Variants in RNF6 observed in about 807,000 individuals in gnomAD.
RNF6 encodes the protein ring finger protein 6.
Under a neutral mutation model 50.1 loss-of-function variants are expected in RNF6, and 21 were observed. The ratio of observed to expected loss-of-function variants is 0.42; its 90% CI spans 0.30 to 0.60. The LOEUF is 0.60. RNF6 is among the 20% of genes least tolerant of loss of function. The pLI is 0.20. For synonymous variants in RNF6, 255 were observed against 291.8 expected, an observed-to-expected ratio of 0.87 and a Z score of 1.29; for missense variants, 698 against 838.2, an observed-to-expected ratio of 0.83 and a Z score of 2.07.
At chr13:26,162,116 G>A (rs1403745162) in intron 5 of RNF6, among the ~76,000 whole-genome samples, 2 of 152,098 alleles carry the variant, frequency 1.3e-5, no homozygotes, top group African/African-American at 2.4e-5. Flanking sequence ...TCTTAGAGAC[G>A]GCAAAGGACT....
At chr13:26,203,652 T>C (rs1247913890) in intron 5 of RNF6, among the ~76,000 whole-genome samples, 1 of 152,216 alleles carries the variant, frequency 6.6e-6, no homozygotes, top group Non-Finnish European at 1.5e-5. Flanking sequence ...TCTATGATCC[T>C]GGAGAGCTCT....
chr13:26,220,010 C>G (rs904716323), intron 2 of RNF6, among the ~76,000 whole-genome samples: 1 of 152,182 alleles, frequency 6.6e-6, no homozygotes, highest in African/African-American at 2.4e-5. Flanking sequence ...GTTTCAGGAT[C>G]TGGGTACTTC....
chr13:26,157,920 A>T (rs940520782), intron 5 of RNF6, among the ~76,000 whole-genome samples: 1 of 149,616 alleles, frequency 6.7e-6, no homozygotes, highest in Non-Finnish European at 1.5e-5. Context: ...GGATGGATGG[A>T]TGGATAGATG....
chr13:26,185,158 G>A (rs1873457856), intron 5 of RNF6, among the ~76,000 whole-genome samples: 1 of 151,850 alleles, frequency 6.6e-6, no homozygotes, highest in Non-Finnish European at 1.5e-5. Flanking sequence ...CACCATGCCC[G>A]GCTAATTTTT....
intron 5 of RNF6, among the ~76,000 whole-genome samples, chr13:26,163,347 T>C (rs867721949): frequency 1.3e-5 from 2 of 152,118 alleles, no homozygotes; most frequent in Admixed American, 6.6e-5. Context: ...GCCAGTTTTG[T>C]TTCGTCCATA....
intron 5 of RNF6, among the ~76,000 whole-genome samples, chr13:26,174,448 C>T (rs1156811200): frequency 1.3e-5 from 2 of 151,276 alleles, no homozygotes; most frequent in Admixed American, 6.6e-5. Context: ...GTCAGGAGTT[C>T]GAGACCAGCC....
Position 26,140,089 on chromosome 13 carries a change from T to C in RNF6, n.769-7638A>G, listed in dbSNP as rs1027648142. ...AACTTGCTAATCTCTTTGTTAATAC[T>C]TTCCAATTACTTATGAATATTTTGG... On this transcript the variant is annotated intron_variant and non_coding_transcript_variant, in intron 5 of 5. Coordinates refer to the RNF6 transcript ENST00000468480. 3.3e-5 allele frequency among the ~76,000 whole-genome samples: 5 copies of C among 152,356 alleles called. No homozygotes were observed. In the East Asian group the frequency reaches 9.6e-4, roughly 29 times the overall value.
intron 5 of RNF6, among the ~76,000 whole-genome samples, chr13:26,199,775 AT>A (rs1294371574): frequency 3.9e-5 from 6 of 152,202 alleles, no homozygotes; most frequent in Non-Finnish European, 8.8e-5. Context: ...ATGAAGATAC[AT>A]TAAAAAATAA....
At chr13:26,203,593 G>T (rs1193786808) in intron 5 of RNF6, among the ~76,000 whole-genome samples, 1 of 152,204 alleles carries the variant, frequency 6.6e-6, no homozygotes, top group Non-Finnish European at 1.5e-5. Context: ...CAGTGACTAC[G>T]CATAAAGGCA....
chr13:26,165,533 C>G (rs1328646638), intron 5 of RNF6, among the ~76,000 whole-genome samples: 4 of 152,200 alleles, frequency 2.6e-5, no homozygotes, highest in African/African-American at 9.7e-5. Context: ...GCCACAGACA[C>G]TCAATGCCAA....
At chr13:26,145,054 A>G (rs958430443) in intron 5 of RNF6, among the ~76,000 whole-genome samples, 1 of 152,146 alleles carries the variant, frequency 6.6e-6, no homozygotes, top group Non-Finnish European at 1.5e-5. Context: ...CTGAAGTAGA[A>G]CAGTGAAACT....
chr13:26,160,823 CCTT>C (rs1283989435), intron 5 of RNF6, among the ~76,000 whole-genome samples: 8 of 152,238 alleles, frequency 5.3e-5, no homozygotes, highest in African/African-American at 1.4e-4. Flanking sequence ...AAAATGGCCT[CCTT>C]CTTGCTTTGT....
rs1566440001 is a variant in RNF6 at position 26,214,872 on chromosome 13, G to T, written c.1010C>A (p.Thr337Asn). The T allele has an allele frequency of 2.5e-6, 4 of 1,614,202 alleles. No homozygotes were observed. The highest frequency in any genetic ancestry group is 3.4e-6 in the Non-Finnish European group (4 of 1,180,036). Residue 337 changes from threonine (T) to asparagine (N), a missense_variant, in exon 5 of 5, where the codon ACT becomes AAT. Coordinates refer to ENST00000381588, the MANE Select transcript of RNF6 (RefSeq NM_005977.4). ...ACCTCTCCTCCTAACAGATCTTCTAGTGGTTTGCTGTACTGGTCTACTTTC... is the reference window on the plus strand; with the variant it reads ...ACCTCTCCTCCTAACAGATCTTCTATTGGTTTGCTGTACTGGTCTACTTTC... Reference protein sequence around the residue: ...QRESRPVQQTTRRSVRRRGRT... With the variant: ...QRESRPVQQTNRRSVRRRGRT...
chr13:26,166,603 T>A (rs112299048), intron 5 of RNF6, among the ~76,000 whole-genome samples: 1,608 of 152,220 alleles, frequency 0.011, 27 homozygotes, highest in African/African-American at 0.037. Context: ...TCTCATTCAC[T>A]CTTGCCACAA....
At chr13:26,211,534 G>A (rs1028722752), downstream of RNF6, among the ~76,000 whole-genome samples, 10 of 152,088 alleles carry the variant, frequency 6.6e-5, no homozygotes, top group African/African-American at 9.7e-5. Flanking sequence ...CAAGGTGGGC[G>A]GATCATGAGG....
Position 26,214,455 on chromosome 13 carries a change from G to A in RNF6, c.1427C>T (p.Ser476Leu). 3.1e-6 allele frequency: 5 copies of A among 1,614,178 alleles called. No individual in the cohort carries two copies. The highest frequency in any genetic ancestry group is 4.2e-6 in the Non-Finnish European group (5 of 1,180,040). Residue 476 changes from serine (S) to leucine (L), a missense_variant, in exon 5 of 5, where the codon TCA becomes TTA. Ser to Leu is a moderately radical substitution (Grantham distance 145, BLOSUM62 -2). Transcript: ENST00000381588. Reference protein sequence around the residue: ...RISENELVEPSSVALRSILRQ... With the variant: ...RISENELVEPLSVALRSILRQ... Reference sequence around the variant, plus strand: ...TAAAATTGACCGAAGAGCCACTGATGATGGCTCAACAAGCTCATTCTCAGA... The same window carrying A: ...TAAAATTGACCGAAGAGCCACTGATAATGGCTCAACAAGCTCATTCTCAGA...
At chr13:26,186,628 G>A (rs972523245) in intron 5 of RNF6, among the ~76,000 whole-genome samples, 1 of 152,262 alleles carries the variant, frequency 6.6e-6, no homozygotes, top group African/African-American at 2.4e-5. Context: ...GGCCGCCGTC[G>A]TCTTCTCAGC....
At chr13:26,189,846 T>A (rs963347739) in intron 5 of RNF6, among the ~76,000 whole-genome samples, 3 of 152,248 alleles carry the variant, frequency 2.0e-5, no homozygotes, top group African/African-American at 7.2e-5. Context: ...GTTGGAATTG[T>A]TTTCCTGACT....
intron 5 of RNF6, among the ~76,000 whole-genome samples, chr13:26,188,623 CTTTTTTTTTTTTTTTT>C (rs1163881143): frequency 9.2e-5 from 4 of 43,258 alleles, no homozygotes; most frequent in Non-Finnish European, 1.2e-4. Context: ...GTCAAAAGAG[CTTTTTTTTTTTTTTTT>C]TTTTTTTTTT....
Sources: gnomAD v4.1 joint callset for allele counts (sites outside exome capture counted in the v4.1 genomes callset) on GRCh38, gnomAD v4.1.1 for gene constraint, MANE v1.5 for transcripts, NCBI Gene and HGNC (gene_info 2026-07-23, HGNC 2026-07-21) for gene names.